The following SYK variants were observed in gnomAD, a reference collection of about 807,000 sequenced individuals.
SYK encodes tyrosine-protein kinase SYK.
In SYK, 16 loss-of-function variants were observed where a neutral mutation model predicts 77.8. That is an observed-to-expected ratio of 0.21 (90% CI 0.14 to 0.31). The LOEUF is 0.31. SYK is among the 10% of genes least tolerant of loss of function. SYK has a pLI of 1.00. For missense variants in SYK, 529 were observed against 814.4 expected (o/e 0.65, Z 4.26); for synonymous variants, 312 against 308.7 (o/e 1.01, Z -0.11).
intron 11 of SYK, 87 bp downstream of exon 11, chr9:90,879,040 G>A: frequency 9.3e-7 from 1 of 1,077,832 alleles, no homozygotes; most frequent in Non-Finnish European, 1.3e-6. Context: ...TTATTGGTAT[G>A]GTTTCAAAAA....
At chr9:90,813,073 C>A (rs1436714137) in intron 1 of SYK, among the ~76,000 whole-genome samples, 1 of 152,050 alleles carries the variant, frequency 6.6e-6, no homozygotes, top group Non-Finnish European at 1.5e-5. Flanking sequence ...TTTTTTTTAA[C>A]ATTATGCTTA....
chr9:90,825,817 A>C (rs1825649933), intron 1 of SYK, among the ~76,000 whole-genome samples: 1 of 152,184 alleles, frequency 6.6e-6, no homozygotes, highest in Non-Finnish European at 1.5e-5. Flanking sequence ...GAGACGTGAG[A>C]TGGGAGGGAT....
chr9:90,893,410 C>G (rs1431960753), intron 13 of SYK, among the ~76,000 whole-genome samples: 1 of 151,968 alleles, frequency 6.6e-6, no homozygotes, highest in South Asian at 2.1e-4. Flanking sequence ...TTTGTTTTTT[C>G]ATTTTTTCCT....
rs117866558 is a variant in SYK, at chr9:90,898,116, T to G, written c.*2516T>G. 0.016 allele frequency: 3,665 copies of G among 228,808 alleles called. 50 individuals are homozygous for G. The highest frequency in any genetic ancestry group is 0.021 in the Non-Finnish European group (2,417 of 115,354). 14.2% of individuals were successfully genotyped at this position (228,808 alleles called of 1,614,324 possible). ...AGGTAAGGTGCCTTTTACCTTATGG[T>G]CCTTCTTTAGCAGGTAACAAAGGAG... On this transcript the variant is annotated 3_prime_UTR_variant, in exon 14 of 14. Coordinates refer to ENST00000375754, the MANE Select transcript of SYK (RefSeq NM_003177.7).
chr9:90,819,468 C>T (rs1290486082), intron 1 of SYK, among the ~76,000 whole-genome samples: 1 of 152,130 alleles, frequency 6.6e-6, no homozygotes, highest in Non-Finnish European at 1.5e-5. Context: ...GCTGGGGAGG[C>T]CTCAGAATCA....
intron 2 of SYK, 93 bp from the exon 3 acceptor site, chr9:90,845,341 C>A: frequency 7.3e-7 from 1 of 1,367,990 alleles, no homozygotes; most frequent in East Asian, 2.3e-5. Context: ...CCTGTTTTAC[C>A]ATGCCAGGAC....
At chr9:90,856,348 A>G (rs1384479521) in intron 3 of SYK, among the ~76,000 whole-genome samples, 1 of 152,110 alleles carries the variant, frequency 6.6e-6, no homozygotes, top group Non-Finnish European at 1.5e-5. Flanking sequence ...TTCTTCAAAT[A>G]TTGCTCTCTG....
At chr9:90,892,449 T>G (rs1442233072) in intron 13 of SYK, among the ~76,000 whole-genome samples, 1 of 152,212 alleles carries the variant, frequency 6.6e-6, no homozygotes, top group Admixed American at 6.5e-5. Context: ...TATCCGAAAC[T>G]ACAATGTATC....
At chr9:90,883,264 A>G (rs1170533486) in intron 11 of SYK, among the ~76,000 whole-genome samples, 1 of 151,616 alleles carries the variant, frequency 6.6e-6, no homozygotes, top group Non-Finnish European at 1.5e-5. Flanking sequence ...GCCTGCCTAC[A>G]CTGCTCCCCC....
intron 7 of SYK, among the ~76,000 whole-genome samples, chr9:90,869,544 C>A (rs1051007921): frequency 6.6e-6 from 1 of 152,076 alleles, no homozygotes; most frequent in African/African-American, 2.4e-5. Context: ...TGTAATCAGT[C>A]ATGAGAAAAG....
In SYK at chr9:90,865,984, T is replaced by G. The variant is rs2774257; in HGVS notation, c.846+887T>G. On this transcript the variant is annotated intron_variant, in intron 6 of 13. Transcript: ENST00000375754. ...CGCGATCTCAGCTCACTGCAAGCTC[T>G]GCCTCCCGGGTTCACGCCATTCTCC... Among the ~76,000 whole-genome samples, 17 of 148,850 alleles carry G rather than the reference T, an allele frequency of 1.1e-4. No individual in the cohort carries two copies. In the East Asian group the frequency reaches 3.2e-3, roughly 28 times the overall value.
At position 90,874,782 on chromosome 9, in the gene SYK, C is replaced by T; in HGVS notation, c.1114C>T (p.Leu372=). Residue 372 remains leucine (L), a synonymous_variant, in exon 9 of 14, where the codon CTG becomes TTG. Coordinates refer to ENST00000375754, the MANE Select transcript of SYK (RefSeq NM_003177.7). ...TTACCTGGACCGAAAGCTGCTGACGCTGGAAGACAAAGAACTGGGCTCTGG... is the reference window on the plus strand; with the variant it reads ...TTACCTGGACCGAAAGCTGCTGACGTTGGAAGACAAAGAACTGGGCTCTGG... ...EVYLDRKLLT[L]EDKELGSGNF... is the part of the protein sequence containing the mutation. The T allele has an allele frequency of 1.9e-6, 3 of 1,614,078 alleles. No individual in the cohort carries two copies. Among genetic ancestry groups the T allele is most frequent in the Middle Eastern group, 1.6e-4 (1 of 6,062 alleles).
intron 1 of SYK, among the ~76,000 whole-genome samples, chr9:90,821,977 C>G (rs290246): frequency 0.13 from 19,067 of 151,974 alleles, 1,622 homozygotes; most frequent in East Asian, 0.44. Flanking sequence ...AAATAAGGTG[C>G]CTTTACACAG....
intron 1 of SYK, among the ~76,000 whole-genome samples, chr9:90,837,046 C>A (rs1826112648): frequency 1.3e-5 from 2 of 151,676 alleles, no homozygotes; most frequent in Non-Finnish European, 2.9e-5. Flanking sequence ...ATATAACATG[C>A]AAAATATGTG....
chr9:90,893,222 G>A (rs1472719211), intron 13 of SYK, among the ~76,000 whole-genome samples: 1 of 152,198 alleles, frequency 6.6e-6, no homozygotes, highest in Non-Finnish European at 1.5e-5. Context: ...AGCAAGGAGG[G>A]CACAGGGGCC....
intron 1 of SYK, among the ~76,000 whole-genome samples, chr9:90,803,995 G>A (rs1009485086): frequency 8.0e-5 from 12 of 150,720 alleles, no homozygotes; most frequent in African/African-American, 1.7e-4. Flanking sequence ...TTATCACTAC[G>A]AGAGCTTCTC....
At position 90,884,150 on chromosome 9, in the gene SYK, T is replaced by TATATATATATATACACATAC. The variant is rs1828271407; in HGVS notation, c.1582-3599_1582-3598insATATATATATATACACATAC. 2.8e-5 allele frequency among the ~76,000 whole-genome samples: 2 copies of TATATATATATATACACATAC among 71,428 alleles called. 1 individual carries two copies. The highest frequency in any genetic ancestry group is 1.2e-4 in the African/African-American group (2 of 16,386). 46.9% of individuals were successfully genotyped at this position (71,428 alleles called of 152,430 possible). A position where few individuals can be genotyped will look rare whatever the true frequency, so the allele number is the denominator to read the frequency against. ...AGTGCCCTACATATATATATGTGTG[T>TATATATATATATACACATAC]GTGTATATATACACACATACACATA... is the stretch of plus-strand genomic sequence containing the variant. On this transcript the variant is annotated intron_variant, in intron 11 of 13. Coordinates refer to ENST00000375754, the MANE Select transcript of SYK (RefSeq NM_003177.7).
At chr9:90,803,181 G>C (rs986496754) in intron 1 of SYK, among the ~76,000 whole-genome samples, 2 of 152,042 alleles carry the variant, frequency 1.3e-5, no homozygotes, top group African/African-American at 2.4e-5. Context: ...TTGTTTTAAC[G>C]TATTTAGAAA....
intron 1 of SYK, among the ~76,000 whole-genome samples, chr9:90,828,573 G>A (rs765078356): frequency 2.0e-5 from 3 of 152,116 alleles, no homozygotes; most frequent in African/African-American, 7.2e-5. Flanking sequence ...ACCCCACCCT[G>A]TCCTCTTCTG....
Sources: gnomAD v4.1 joint callset for allele counts (sites outside exome capture counted in the v4.1 genomes callset) on GRCh38, gnomAD v4.1.1 for gene constraint, MANE v1.5 for transcripts, NCBI Gene and HGNC (gene_info 2026-07-23, HGNC 2026-07-21) for gene names.